Variants in DNAH14 observed in about 807,000 individuals in gnomAD.
DNAH14 encodes the protein axonemal beta dynein heavy chain 14.
A neutral mutation model predicts 520.9 loss-of-function variants in DNAH14; 478 were observed. That is an observed-to-expected ratio of 0.92 (90% CI 0.85 to 0.99). DNAH14 has a LOEUF of 0.99. Among genes scored for constraint, DNAH14 ranks in the 50% least tolerant of loss-of-function variants. The pLI is 0.00. For synonymous variants in DNAH14, 1,581 were observed against 1,757.2 expected (o/e 0.90, Z 2.51); for missense variants, 4,831 against 5,234.5 (o/e 0.92, Z 2.38).
At chr1:225,014,959 TTA>T (rs1049231922) in intron 10 of DNAH14, among the ~76,000 whole-genome samples, 7 of 152,216 alleles carry the variant, frequency 4.6e-5, no homozygotes, top group African/African-American at 1.7e-4. Flanking sequence ...AATATTTGCT[TTA>T]TATATCTGGA....
At chr1:225,030,869 T>C (rs1400830570) in intron 11 of DNAH14, among the ~76,000 whole-genome samples, 1 of 152,134 alleles carries the variant, frequency 6.6e-6, no homozygotes, top group Non-Finnish European at 1.5e-5. Flanking sequence ...ATTCATTTAC[T>C]TTTTCATATA....
chr1:225,136,357 G>T (rs147391219), intron 27 of DNAH14, among the ~76,000 whole-genome samples: 1 of 152,116 alleles, frequency 6.6e-6, no homozygotes, highest in Admixed American at 6.6e-5. Context: ...TGGTGACGAT[G>T]AATTCCCTGA....
Position 225,346,472 on chromosome 1 carries a change from T to C in DNAH14, c.11114T>C (p.Leu3705Pro). The C allele has an allele frequency of 6.5e-7, 1 of 1,549,288 alleles. No homozygotes were observed. Among genetic ancestry groups the C allele is most frequent in the Non-Finnish European group, 8.7e-7 (1 of 1,146,424 alleles). Residue 3705 changes from leucine to proline, a missense_variant, in exon 71 of 86, where the codon CTA becomes CCA. Transcript: ENST00000682510. ...KSIFKVVSSA[L>P]FNEDKLCFSF... ...TCCCTATAGGTGGTTTCTTCAGCTC[T>C]ATTTAATGAAGATAAACTTTGCTTC...
intron 27 of DNAH14, among the ~76,000 whole-genome samples, chr1:225,133,419 G>C (rs1173232634): frequency 6.6e-6 from 1 of 152,034 alleles, no homozygotes; most frequent in East Asian, 1.9e-4. Context: ...TGTAAGGAAG[G>C]GTTCCACTTT....
At chr1:225,082,029 G>C (rs555541234) in intron 19 of DNAH14, among the ~76,000 whole-genome samples, 1 of 152,060 alleles carries the variant, frequency 6.6e-6, no homozygotes. Context: ...ACAGCACTTG[G>C]GGAGGCTGAG....
rs948672747 is a variant in DNAH14 at position 225,007,473 on chromosome 1, A to G, written c.1036A>G (p.Thr346Ala). The G allele has an allele frequency of 1.3e-6, 2 of 1,542,438 alleles. No homozygotes were observed. Among genetic ancestry groups the G allele is most frequent in the Non-Finnish European group, 1.8e-6 (2 of 1,141,662 alleles). ...TTGTGAAGAGCAGTTACAGCAAGCT[A>G]CCCAGGCATTGAAACAACTTGAGGA... ...EFCEEQLQQA[T>A]QALKQLEDIR... Residue 346 changes from threonine to alanine, a missense_variant, in exon 10 of 86, where the codon ACC (threonine) becomes GCC (alanine). Transcript: ENST00000682510.
intron 73 of DNAH14, among the ~76,000 whole-genome samples, chr1:225,357,033 G>C (rs1356710119): frequency 6.6e-6 from 1 of 152,110 alleles, no homozygotes; most frequent in Non-Finnish European, 1.5e-5. Flanking sequence ...TAGAAATTGA[G>C]ATTGTCACAT....
rs567274309 is a variant in DNAH14 at position 225,373,468 on chromosome 1, G to A, written c.12319-1220G>A. Among the ~76,000 whole-genome samples the A allele has an allele frequency of 8.8e-4, 133 of 151,414 alleles. 2 individuals carry two copies. The highest frequency in any genetic ancestry group is 1.1e-3 in the Non-Finnish European group (72 of 67,804). On this transcript the variant is annotated intron_variant, in intron 77 of 85. Coordinates refer to ENST00000682510, the MANE Select transcript of DNAH14 (RefSeq NM_001367479.1). ...GACAGAGCAAGACTCCGTCAAGAAA[G>A]GAAGGGAGGAAGGGAGGGAGGGAGG...
rs754722708 is a variant in DNAH14 at position 224,952,797 on chromosome 1, TATA to T, written c.77+21_77+23del. 8 of 1,547,040 alleles carry T rather than the reference TATA, an allele frequency of 5.2e-6. No homozygotes were observed. The South Asian group carries it at 6.1e-5, about 12-fold the overall frequency. ...AAACCAAGGTAAAAGTAAGATAAAA[TATA>T]ATGAGTTTTTTTCTAAAGTAAGATT... On this transcript the variant is annotated intron_variant, in intron 2 of 85. Transcript: ENST00000682510.
At chr1:225,394,976 T>G (rs2095986098) in intron 84 of DNAH14, among the ~76,000 whole-genome samples, 1 of 152,200 alleles carries the variant, frequency 6.6e-6, no homozygotes, top group African/African-American at 2.4e-5. Context: ...TACTTCAACT[T>G]TGTCATAGAT....
intron 42 of DNAH14, among the ~76,000 whole-genome samples, chr1:225,239,086 T>A (rs979852735): frequency 2.6e-5 from 4 of 152,130 alleles, no homozygotes; most frequent in African/African-American, 9.7e-5. Flanking sequence ...GAATTCCAAG[T>A]CAGTGGGTCT....
intron 27 of DNAH14, among the ~76,000 whole-genome samples, chr1:225,126,755 G>A (rs540961952): frequency 6.6e-6 from 1 of 152,130 alleles, no homozygotes; most frequent in African/African-American, 2.4e-5. Flanking sequence ...GCAAGCTTTT[G>A]AATGTGTTTG....
rs1310041997 is a variant in DNAH14 at position 225,380,221 on chromosome 1, C to T, written c.12779C>T (p.Pro4260Leu). The change falls in exon 80 of 86, where the codon CCA becomes CTA. Residue 4260 changes from proline (P) to leucine (L), a missense_variant. Transcript: ENST00000682510. The stretch of plus-strand genomic sequence containing the variant: ...CTATCCGACTTGCTAAAGCGGCTGC[C>T]ACTGACAGTGGAGAAAGAAGAAATT... ...EILSDLLKRL[P>L]LTVEKEEIAV... 1.3e-6 allele frequency: 2 copies of T among 1,551,502 alleles called. No homozygotes were observed. Among genetic ancestry groups the T allele is most frequent in the Non-Finnish European group, 1.7e-6 (2 of 1,146,982 alleles).
At position 225,265,167 on chromosome 1, in the gene DNAH14, T is replaced by C; in HGVS notation, c.7223-15T>C. On this transcript the variant is annotated splice_polypyrimidine_tract_variant and intron_variant, in intron 47 of 85. Transcript: ENST00000682510. Reference sequence around the variant, plus strand: ...GTCCTAAATTTGTTTTTTCTTTCTATGTTTGGCATCACAGATAATCCCACT... The same window carrying C: ...GTCCTAAATTTGTTTTTTCTTTCTACGTTTGGCATCACAGATAATCCCACT... 7.0e-7 allele frequency: 1 copy of C among 1,432,064 alleles called. No individual in the cohort carries two copies. Among genetic ancestry groups the C allele is most frequent in the Non-Finnish European group, 9.1e-7 (1 of 1,097,180 alleles). 88.7% of individuals were successfully genotyped at this position (1,432,064 alleles called of 1,614,324 possible).
chr1:225,241,706 A>C (rs555576844), intron 43 of DNAH14, among the ~76,000 whole-genome samples: 61 of 152,320 alleles, frequency 4.0e-4, no homozygotes, highest in African/African-American at 1.4e-3. Flanking sequence ...GTATTTGTGC[A>C]TCTAAACATA....
chr1:224,972,344 C>A (rs2061545387), intron 7 of DNAH14, among the ~76,000 whole-genome samples: 1 of 152,046 alleles, frequency 6.6e-6, no homozygotes. Context: ...TGCTCTGTCA[C>A]CCAGGCTGGG....
intron 43 of DNAH14, among the ~76,000 whole-genome samples, chr1:225,242,399 ATATTT>A (rs973988343): frequency 2.0e-5 from 3 of 152,140 alleles, no homozygotes; most frequent in Non-Finnish European, 2.9e-5. Flanking sequence ...TTCTGTTTTT[ATATTT>A]TATTTTATTT....
At chr1:225,319,487 T>C (rs925478186) in intron 61 of DNAH14, among the ~76,000 whole-genome samples, 1 of 152,200 alleles carries the variant, frequency 6.6e-6, no homozygotes, top group African/African-American at 2.4e-5. Context: ...GTGATATTTA[T>C]AACATATTAT....
rs377719495 is a variant in DNAH14, at chr1:225,114,075, G to A, written c.3868-3609G>A. 5.9e-5 allele frequency among the ~76,000 whole-genome samples: 9 copies of A among 152,300 alleles called. No individual in the cohort carries two copies. The South Asian group carries it at 1.7e-3, about 28-fold the overall frequency. On this transcript the variant is annotated intron_variant, in intron 23 of 85. Coordinates refer to ENST00000682510, the MANE Select transcript of DNAH14 (RefSeq NM_001367479.1). ...GAAGTCTTCCCTCATAGCCAAAACA[G>A]CTGGGAACATGTTGGGTCACATATG... is the stretch of plus-strand genomic sequence containing the variant.
Sources: gnomAD v4.1 joint callset for allele counts (sites outside exome capture counted in the v4.1 genomes callset) on GRCh38, gnomAD v4.1.1 for gene constraint, MANE v1.5 for transcripts, NCBI Gene and HGNC (gene_info 2026-07-23, HGNC 2026-07-21) for gene names.